VPS37A: variants seen among roughly 807,000 people sequenced by gnomAD.
VPS37A encodes the protein vacuolar protein sorting-associated protein 37A.
VPS37A carries 30 observed loss-of-function variants against 49.8 expected under a neutral mutation model. The ratio of observed to expected loss-of-function variants is 0.60; its 90% CI spans 0.45 to 0.82. VPS37A has a LOEUF of 0.82. Ranked by LOEUF, VPS37A falls within the 40% of genes least tolerant of loss-of-function variation. The pLI, the probability that VPS37A is intolerant of heterozygous loss-of-function variation, is 0.00. For synonymous variants in VPS37A, 195 were observed against 160.6 expected (o/e 1.21, Z -1.62); for missense variants, 593 against 464.4 (o/e 1.28, Z -2.55).
chr8:17,300,069 C>T, downstream of VPS37A: 3 of 1,614,080 alleles, frequency 1.9e-6, no homozygotes, highest in Non-Finnish European at 2.5e-6. Context: ...GTGAAGGGCT[C>T]CGGGATGGAA....
the VPS37A span, among the ~76,000 whole-genome samples, chr8:17,308,859 A>G: frequency 6.6e-6 from 1 of 152,208 alleles, no homozygotes. Context: ...ATCTGGGACA[A>G]ACTGCACTCC....
chr8:17,299,976 T>C (rs768239482), downstream of VPS37A: 4 of 1,614,128 alleles, frequency 2.5e-6, no homozygotes, highest in East Asian at 8.9e-5. Flanking sequence ...CCCCGGACTC[T>C]TGGTCACTGT....
chr8:17,300,648 T>A (rs1317669948), downstream of VPS37A, among the ~76,000 whole-genome samples: 1 of 152,212 alleles, frequency 6.6e-6, no homozygotes, highest in East Asian at 1.9e-4. Context: ...CCTTTTAAAG[T>A]ATACAATTCA....
the VPS37A span, chr8:17,309,174 C>CA: frequency 2.6e-6 from 2 of 784,002 alleles, no homozygotes; most frequent in Admixed American, 2.6e-5. Context: ...ATAAGAGACA[C>CA]AAACTCAAAA....
chr8:17,327,849 G>A, the VPS37A span, among the ~76,000 whole-genome samples: 1 of 152,096 alleles, frequency 6.6e-6, no homozygotes, highest in African/African-American at 2.4e-5. Flanking sequence ...TTATCTACAT[G>A]TTTATTTCAA....
chr8:17,309,713 A>T, the VPS37A span, among the ~76,000 whole-genome samples: 1 of 152,060 alleles, frequency 6.6e-6, no homozygotes, highest in Admixed American at 6.6e-5. Flanking sequence ...TAGGAAGGAG[A>T]CCCCACTTCA....
chr8:17,326,250 G>A, the VPS37A span: 1 of 152,152 alleles, frequency 6.6e-6, no homozygotes, highest in Non-Finnish European at 1.5e-5. Flanking sequence ...ATTTTGAGCT[G>A]AAACAGGTTT....
intron 9 of VPS37A, among the ~76,000 whole-genome samples, chr8:17,280,831 A>G (rs542579710): frequency 6.6e-5 from 10 of 152,146 alleles, no homozygotes; most frequent in East Asian, 1.9e-4. Flanking sequence ...TGAAAAATAT[A>G]TAGTATTATC....
At chr8:17,316,423 G>T in the VPS37A span, among the ~76,000 whole-genome samples, 1 of 149,682 alleles carries the variant, frequency 6.7e-6, no homozygotes. Context: ...CCCTACTGTT[G>T]ACAGTTGTTC....
chr8:17,266,142 T>C (rs965006726), intron 2 of VPS37A, among the ~76,000 whole-genome samples, 161 bp downstream of exon 2: 2 of 152,184 alleles, frequency 1.3e-5, no homozygotes, highest in Non-Finnish European at 2.9e-5. Context: ...TCGAAAGCTA[T>C]CACTGTTATA....
the VPS37A span, among the ~76,000 whole-genome samples, chr8:17,325,740 C>T: frequency 2.0e-5 from 3 of 151,572 alleles, no homozygotes; most frequent in Non-Finnish European, 2.9e-5. Flanking sequence ...GCTGATTGCA[C>T]ACAGACCCTA....
At chr8:17,309,337 AAG>A in the VPS37A span, 2 of 1,535,392 alleles carry the variant, frequency 1.3e-6, no homozygotes, top group Admixed American at 1.7e-5. Context: ...CTACACAAGA[AAG>A]AATACAAATA....
intron 1 of VPS37A, among the ~76,000 whole-genome samples, chr8:17,261,200 A>G (rs1398416241): frequency 6.6e-6 from 1 of 152,138 alleles, no homozygotes; most frequent in Non-Finnish European, 1.5e-5. Context: ...GTATTTTCTA[A>G]TAACCTGTCT....
At position 17,269,642 on chromosome 8, in the gene VPS37A, C is replaced by G. The variant is rs1357349400; in HGVS notation, c.416+686C>G. ...CACTTCTTCCCTCCATTCTGAGTTA[C>G]TCTCTATAACATTTGAGTAACTCTC... On this transcript the variant is annotated intron_variant, in intron 4 of 11. Coordinates refer to ENST00000324849, the MANE Select transcript of VPS37A (RefSeq NM_152415.3). Among the ~76,000 whole-genome samples the G allele has an allele frequency of 2.6e-5, 4 of 152,170 alleles. No homozygotes were observed. The East Asian group carries it at 7.7e-4, about 29-fold the overall frequency.
intron 1 of VPS37A, chr8:17,248,189 T>C (rs2959615): frequency 0.52 from 200,107 of 383,012 alleles, 59,442 homozygotes; most frequent in Non-Finnish European, 0.65. Flanking sequence ...TTTATGCATT[T>C]TGCAAGTATA....
At chr8:17,323,138 G>A in the VPS37A span, among the ~76,000 whole-genome samples, 2 of 151,644 alleles carry the variant, frequency 1.3e-5, no homozygotes, top group African/African-American at 2.4e-5. Context: ...AGTAGAGATG[G>A]GGTTTCACCA....
intron 9 of VPS37A, among the ~76,000 whole-genome samples, chr8:17,280,701 T>C (rs1386777359): frequency 6.6e-6 from 1 of 152,032 alleles, no homozygotes; most frequent in Non-Finnish European, 1.5e-5. Context: ...GGGTAAGTTA[T>C]GAAACCATTG....
At chr8:17,320,714 T>C in the VPS37A span, among the ~76,000 whole-genome samples, 1 of 152,170 alleles carries the variant, frequency 6.6e-6, no homozygotes, top group Non-Finnish European at 1.5e-5. Context: ...TCTGATGCCT[T>C]GTGACAGTGC....
At chr8:17,279,882 A>G (rs759959620) in intron 6 of VPS37A, 146 bp from the exon 7 acceptor site, 7 of 897,810 alleles carry the variant, frequency 7.8e-6, no homozygotes, top group Non-Finnish European at 1.2e-5. Context: ...ATTTGATTTT[A>G]AGGTTAAAAC....
Sources: allele counts gnomAD v4.1 joint callset (sites outside exome capture counted in the v4.1 genomes callset), GRCh38; gene constraint gnomAD v4.1.1; transcripts MANE v1.5; gene names NCBI Gene and HGNC (gene_info 2026-07-23, HGNC 2026-07-21).